Variants in TUBB observed in about 807,000 individuals in gnomAD.
TUBB encodes tubulin beta chain.
A neutral mutation model predicts 35.1 loss-of-function variants in TUBB; 2 were observed. The observed-to-expected ratio is 0.06, with a 90% CI of 0.02 to 0.18. TUBB has a LOEUF of 0.18. Among genes scored for constraint, TUBB ranks in the 10% least tolerant of loss-of-function variants. The pLI, the probability that TUBB is intolerant of heterozygous loss-of-function variation, is 1.00. For synonymous variants in TUBB, 205 were observed against 223.8 expected (o/e 0.92, Z 0.75); for missense variants, 50 against 599.4 (o/e 0.08, Z 9.57).
chr6:30,721,885 G>A, intron 1 of TUBB: 2 of 985,808 alleles, frequency 2.0e-6, no homozygotes, highest in Admixed American at 6.1e-5. Context: ...TAAAATGGGA[G>A]ATGTGGGGCC....
Position 30,723,396 on chromosome 6 carries a change from C to T in TUBB, c.334C>T (p.Leu112=). The T allele has an allele frequency of 1.9e-6, 3 of 1,613,408 alleles. No homozygotes were observed. The highest frequency in any genetic ancestry group is 1.1e-5 in the South Asian group (1 of 91,014). ...AGGCCACTACACAGAGGGCGCCGAG[C>T]TGGTTGATTCTGTCCTGGATGTGGT... The part of the protein sequence containing the change: ...AKGHYTEGAE[L]VDSVLDVVRK... The change falls in exon 4 of 4, where the codon CTG becomes TTG. Residue 112 remains leucine, a synonymous_variant. Coordinates refer to ENST00000327892, the MANE Select transcript of TUBB (RefSeq NM_178014.4).
At chr6:30,720,627 A>T in intron 1 of TUBB, 64 bp downstream of exon 1, 2 of 1,520,304 alleles carry the variant, frequency 1.3e-6, no homozygotes, top group Non-Finnish European at 1.8e-6. Context: ...TTATGAAAAA[A>T]TGGTTGTGGG....
chr6:30,721,040 G>A (rs984923768), intron 1 of TUBB, among the ~76,000 whole-genome samples: 3 of 152,252 alleles, frequency 2.0e-5, no homozygotes, highest in Non-Finnish European at 2.9e-5. Flanking sequence ...GCCAGGGTGG[G>A]CTGCGCTGGG....
chr6:30,723,413 G>A lies in TUBB; in HGVS notation c.351G>A (p.Leu117=), dbSNP rs1188486925. 8 of 1,613,988 alleles carry A rather than the reference G, an allele frequency of 5.0e-6. No individual in the cohort carries two copies. The highest frequency in any genetic ancestry group is 6.8e-6 in the Non-Finnish European group (8 of 1,179,940). Residue 117 remains leucine (L), a synonymous_variant, in exon 4 of 4, where the codon CTG becomes CTA. Transcript: ENST00000327892. ...TEGAELVDSV[L]DVVRKEAESC... The stretch of plus-strand genomic sequence containing the variant: ...GCGCCGAGCTGGTTGATTCTGTCCT[G>A]GATGTGGTACGGAAGGAGGCAGAGA...
intron 1 of TUBB, chr6:30,721,519 A>T (rs1776248540): frequency 2.0e-6 from 2 of 982,088 alleles, no homozygotes; most frequent in African/African-American, 3.5e-5. Flanking sequence ...CGCGCGCGGA[A>T]TTTTTGTCCC....
chr6:30,722,430 A>T, intron 1 of TUBB, 107 bp from the exon 2 acceptor site: 1 of 782,166 alleles, frequency 1.3e-6, no homozygotes, highest in Non-Finnish European at 2.1e-6. Context: ...TGACAGAGCG[A>T]GACTCCGTCT....
chr6:30,722,671 A>C, intron 2 of TUBB, 26 bp downstream of exon 2: 18 of 1,583,192 alleles, frequency 1.1e-5, no homozygotes, highest in Non-Finnish European at 1.3e-5. Context: ...CGGGCAGCTC[A>C]GGTTCCCTTC....
chr6:30,721,379 GA>G (rs1372771204), intron 1 of TUBB, among the ~76,000 whole-genome samples: 1 of 151,054 alleles, frequency 6.6e-6, no homozygotes, highest in Non-Finnish European at 1.5e-5. Context: ...GGAGGGGCGG[GA>G]GGAAGTGCGG....
chr6:30,722,090 C>G (rs1040108497), intron 1 of TUBB: 2 of 176,864 alleles, frequency 1.1e-5, no homozygotes, highest in African/African-American at 4.8e-5. Context: ...GAGTTCCACG[C>G]TGTAGTCATC....
At position 30,723,494 on chromosome 6, in the gene TUBB, C is replaced by G; in HGVS notation, c.432C>G (p.Gly144=). Reference sequence around the variant, plus strand: ...CCCACTCACTGGGCGGGGGCACAGGCTCTGGAATGGGCACTCTCCTTATCA... The same window carrying G: ...CCCACTCACTGGGCGGGGGCACAGGGTCTGGAATGGGCACTCTCCTTATCA... ...QLTHSLGGGT[G]SGMGTLLISK... is the part of the protein sequence containing the mutation. Residue 144 remains glycine (G), a synonymous_variant, in exon 4 of 4, where the codon GGC becomes GGG. Transcript: ENST00000327892. 6.2e-7 allele frequency: 1 copy of G among 1,614,214 alleles called. No individual in the cohort carries two copies. Among genetic ancestry groups the G allele is most frequent in the Non-Finnish European group, 8.5e-7 (1 of 1,180,032 alleles).
intron 2 of TUBB, 126 bp downstream of exon 2, chr6:30,722,771 C>G (rs1387355834): frequency 2.6e-6 from 3 of 1,136,550 alleles, no homozygotes; most frequent in Non-Finnish European, 2.5e-6. Context: ...CTTTCGTGAA[C>G]CACCGTCGGG....
intron 1 of TUBB, 150 bp downstream of exon 1, chr6:30,720,713 C>G: frequency 1.5e-6 from 1 of 686,454 alleles, no homozygotes; most frequent in Non-Finnish European, 2.4e-6. Flanking sequence ...ACAATTGTAG[C>G]TAGCATTTGC....
rs187487793 is a variant in TUBB at position 30,723,086 on chromosome 6, T to C, written c.277+58T>C. On this transcript the variant is annotated intron_variant, in intron 3 of 3. Transcript: ENST00000327892. ...TACCATCGTGTTCAACTTATTTGGG[T>C]GCAAGGACACAGCAAAAGTTAGGAG... 7.8e-5 allele frequency: 109 copies of C among 1,400,424 alleles called. No individual in the cohort carries two copies. In the African/African-American group the frequency reaches 1.5e-3, roughly 19 times the overall value. The allele number at this position is 1,400,424 out of a possible 1,614,324, so 86.7% of individuals were successfully genotyped here. A position where few individuals can be genotyped will look rare whatever the true frequency, so the allele number is the denominator to read the frequency against.
intron 3 of TUBB, 82 bp downstream of exon 3, chr6:30,723,110 A>G: frequency 8.2e-7 from 1 of 1,216,312 alleles, no homozygotes; most frequent in Non-Finnish European, 1.2e-6. Context: ...AAAAGTTAGG[A>G]GATGATTGTT....
At position 30,720,468 on chromosome 6, in the gene TUBB, T is replaced by G. The variant is rs1776141882; in HGVS notation, c.-39T>G. 1.2e-6 allele frequency: 2 copies of G among 1,608,852 alleles called. No individual in the cohort carries two copies. Among genetic ancestry groups the G allele is most frequent in the Admixed American group, 3.3e-5 (2 of 60,002 alleles). ...AAAAATTACTTATTTTCTTGCCCCA[T>G]ACATACCTTGAGGCGAGCAAAAAAA... On this transcript the variant is annotated 5_prime_UTR_variant, in exon 1 of 4. Transcript: ENST00000327892.
chr6:30,722,289 A>C, intron 1 of TUBB: 1 of 471,372 alleles, frequency 2.1e-6, no homozygotes, highest in Non-Finnish European at 3.9e-6. Flanking sequence ...CTAAAAATAC[A>C]AAAAGTAGCT....
rs1776519556 is a variant in TUBB, at chr6:30,724,654, C to G, written c.*257C>G. On this transcript the variant is annotated 3_prime_UTR_variant, in exon 4 of 4. Coordinates refer to ENST00000327892, the MANE Select transcript of TUBB (RefSeq NM_178014.4). The surrounding 1 kb of genome is among the most constrained non-coding windows in gnomAD (Gnocchi z 4.4). ...GTGACCCTGTATTTCTTTCTGGTGC[C>G]CATTCCATTTGTCCAGTTAATACTT... 2 of 499,006 alleles carry G rather than the reference C, an allele frequency of 4.0e-6. No homozygotes were observed. Among genetic ancestry groups the G allele is most frequent in the African/African-American group, 3.9e-5 (2 of 51,704 alleles). 30.9% of individuals were successfully genotyped at this position (499,006 alleles called of 1,614,324 possible).
In TUBB at chr6:30,723,794, C is replaced by G. The variant is rs1776446524; in HGVS notation, c.732C>G (p.Gly244=). The change falls in exon 4 of 4, where the codon GGC becomes GGG. Residue 244 remains glycine, a synonymous_variant. Coordinates refer to ENST00000327892, the MANE Select transcript of TUBB (RefSeq NM_178014.4). The part of the protein sequence containing the change: ...SGVTTCLRFP[G]QLNADLRKLA... Reference sequence around the variant, plus strand: ...TCACCACCTGCCTCCGTTTCCCTGGCCAGCTCAATGCTGACCTCCGCAAGT... The same window carrying G: ...TCACCACCTGCCTCCGTTTCCCTGGGCAGCTCAATGCTGACCTCCGCAAGT... 2 of 1,614,136 alleles carry G rather than the reference C, an allele frequency of 1.2e-6. No individual in the cohort carries two copies. The highest frequency in any genetic ancestry group is 2.7e-5 in the African/African-American group (2 of 75,064).
intron 1 of TUBB, among the ~76,000 whole-genome samples, chr6:30,720,943 G>C (rs1206896907): frequency 1.3e-5 from 2 of 152,252 alleles, no homozygotes; most frequent in Non-Finnish European, 2.9e-5. Flanking sequence ...ACCCCCCTGC[G>C]GGGTACTTAG....
Sources: allele counts gnomAD v4.1 joint callset (sites outside exome capture counted in the v4.1 genomes callset), GRCh38; gene constraint gnomAD v4.1.1; non-coding constraint Gnocchi (gnomAD v3.1); transcripts MANE v1.5; gene names NCBI Gene and HGNC (gene_info 2026-07-23, HGNC 2026-07-21).